Variants in STRN observed in about 807,000 individuals in gnomAD.
The protein encoded by STRN is striatin.
Under a neutral mutation model 96.3 loss-of-function variants are expected in STRN, and 53 were observed. The observed-to-expected ratio is 0.55, with a 90% CI of 0.44 to 0.69. The LOEUF is 0.69. Among genes scored for constraint, STRN ranks in the 30% least tolerant of loss-of-function variants. The pLI, the probability that STRN is intolerant of heterozygous loss-of-function variation, is 0.00. For synonymous variants in STRN, 428 were observed against 355.9 expected (o/e 1.20, Z -2.28); for missense variants, 987 against 963.9 (o/e 1.02, Z -0.32).
At chr2:36,944,066 G>A (rs1262774784) in intron 1 of STRN, among the ~76,000 whole-genome samples, 2 of 152,148 alleles carry the variant, frequency 1.3e-5, no homozygotes, top group Non-Finnish European at 2.9e-5. Context: ...GTTTCAGTGA[G>A]CCAAGATCTC....
At chr2:36,879,726 G>C (rs886789294) in intron 9 of STRN, among the ~76,000 whole-genome samples, 1 of 152,132 alleles carries the variant, frequency 6.6e-6, no homozygotes, top group African/African-American at 2.4e-5. Context: ...TGCTAAAGGG[G>C]TAAATTAATT....
At chr2:36,874,717 T>TAAAAAAAAAA (rs35268065) in intron 10 of STRN, among the ~76,000 whole-genome samples, 3 of 86,298 alleles carry the variant, frequency 3.5e-5, no homozygotes, top group East Asian at 3.8e-4. Context: ...TGTTTAGAGT[T>TAAAAAAAAAA]AAAAAAAAAA....
rs1251710325 is a variant in STRN at position 36,839,397 on chromosome 2, T to C, written c.*10059A>G. 7.9e-5 allele frequency among the ~76,000 whole-genome samples: 12 copies of C among 152,174 alleles called. No homozygotes were observed. Among genetic ancestry groups the C allele is most frequent in the Admixed American group, 7.2e-4 (11 of 15,280 alleles). On this transcript the variant is annotated 3_prime_UTR_variant, in exon 18 of 18. Coordinates refer to ENST00000263918, the MANE Select transcript of STRN (RefSeq NM_003162.4). ...GGCACTCAAATATTAAGGAAAGTAGTCTTCTGCTACTCTTGATGTTCATTT... is the reference window on the plus strand; with the variant it reads ...GGCACTCAAATATTAAGGAAAGTAGCCTTCTGCTACTCTTGATGTTCATTT...
At chr2:36,880,252 GC>G (rs1326845661) in intron 9 of STRN, among the ~76,000 whole-genome samples, 1 of 152,202 alleles carries the variant, frequency 6.6e-6, no homozygotes, top group East Asian at 1.9e-4. Context: ...ACAGGCGTGA[GC>G]CATCATGCCC....
In STRN at chr2:36,954,516, A is replaced by AG. The variant is rs199876571; in HGVS notation, c.234+11713dup. Among the ~76,000 whole-genome samples, 390 of 147,378 alleles carry AG rather than the reference A, an allele frequency of 2.6e-3. 1 individual carries two copies. The highest frequency in any genetic ancestry group is 8.9e-3 in the African/African-American group (358 of 40,004). On this transcript the variant is annotated intron_variant, in intron 1 of 17. Coordinates refer to ENST00000263918, the MANE Select transcript of STRN (RefSeq NM_003162.4). The stretch of plus-strand genomic sequence containing the variant: ...GACAGAGTAAAGCCCTGTCTCAAAC[A>AG]GGGGAAAAAAAAAAAAAAAAAGAGC...
chr2:36,841,848 C>G lies in STRN; in HGVS notation c.*7608G>C, dbSNP rs1667960034. 6.6e-6 allele frequency: 1 copy of G among 152,172 alleles called. No homozygotes were observed. The highest frequency in any genetic ancestry group is 2.4e-5 in the African/African-American group (1 of 41,438). The allele number at this position is 152,172 out of a possible 1,614,324, so 9.4% of individuals were successfully genotyped here. On this transcript the variant is annotated 3_prime_UTR_variant, in exon 18 of 18. Transcript: ENST00000263918. ...GACCAATGACAAGCCAGAATTGGAACCATTCATTCTTTGAGGTCAGAAGTG... is the reference window on the plus strand; with the variant it reads ...GACCAATGACAAGCCAGAATTGGAAGCATTCATTCTTTGAGGTCAGAAGTG...
At chr2:36,880,371 T>C (rs1389748813) in intron 9 of STRN, among the ~76,000 whole-genome samples, 1 of 152,154 alleles carries the variant, frequency 6.6e-6, no homozygotes, top group Non-Finnish European at 1.5e-5. Flanking sequence ...GCCCAGGAGT[T>C]TGAGGCTACA....
chr2:36,962,744 C>T (rs1057146299), intron 1 of STRN, among the ~76,000 whole-genome samples: 2 of 152,120 alleles, frequency 1.3e-5, no homozygotes, highest in African/African-American at 2.4e-5. Flanking sequence ...CTTGACCTCA[C>T]GATCCGCCTG....
At chr2:36,964,328 A>G (rs1321456238) in intron 1 of STRN, among the ~76,000 whole-genome samples, 1 of 151,218 alleles carries the variant, frequency 6.6e-6, no homozygotes, top group South Asian at 2.1e-4. Flanking sequence ...AAACTGGAAA[A>G]GAAATTAAAT....
chr2:36,867,038 C>A (rs1668646375), intron 12 of STRN, among the ~76,000 whole-genome samples: 1 of 152,168 alleles, frequency 6.6e-6, no homozygotes, highest in Non-Finnish European at 1.5e-5. Flanking sequence ...AAGGTTAACA[C>A]TGATATGTGC....
rs1370898735 is a variant in STRN, at chr2:36,848,758, T to C, written c.*698A>G. 1 of 152,462 alleles carries C rather than the reference T, an allele frequency of 6.6e-6. No individual in the cohort carries two copies. The highest frequency in any genetic ancestry group is 1.5e-5 in the Non-Finnish European group (1 of 68,034). The allele number at this position is 152,462 out of a possible 1,614,324, so 9.4% of individuals were successfully genotyped here. A position where few individuals can be genotyped will look rare whatever the true frequency, so the allele number is the denominator to read the frequency against. On this transcript the variant is annotated 3_prime_UTR_variant, in exon 18 of 18. Transcript: ENST00000263918. ...TGGTGAGTGCTTGATAGCTAAACTT[T>C]AGAATGATACCAAATCTGTTTTCAA...
intron 10 of STRN, among the ~76,000 whole-genome samples, chr2:36,874,730 A>AAAC (rs533599012): frequency 0.041 from 6,094 of 149,558 alleles, 202 homozygotes; most frequent in East Asian, 0.12. Context: ...AAAAAAAAAA[A>AAAC]AAAAAAAAAA....
chr2:36,906,069 C>T (rs757620527), intron 3 of STRN, among the ~76,000 whole-genome samples: 9 of 152,146 alleles, frequency 5.9e-5, no homozygotes, highest in Non-Finnish European at 1.2e-4. Context: ...ATGGATACCC[C>T]ATTTTCCATG....
At chr2:36,924,383 G>C (rs1362175387) in intron 2 of STRN, among the ~76,000 whole-genome samples, 1 of 144,720 alleles carries the variant, frequency 6.9e-6, no homozygotes, top group East Asian at 2.0e-4. Flanking sequence ...AGTCTATATA[G>C]AATCTTAACA....
Position 36,851,115 on chromosome 2 carries a change from GAA to G in STRN, c.1979-10_1979-9del. ...GGCAGGAAGAGTTGGCTGCTAAAAA[GAA>G]AAAATTAAAAAGCAACACAACTTAG... On this transcript the variant is annotated splice_polypyrimidine_tract_variant and intron_variant, in intron 15 of 17. Coordinates refer to ENST00000263918, the MANE Select transcript of STRN (RefSeq NM_003162.4). 1 of 1,602,686 alleles carries G rather than the reference GAA, an allele frequency of 6.2e-7. No individual in the cohort carries two copies.
intron 1 of STRN, among the ~76,000 whole-genome samples, chr2:36,948,081 C>CTTTTTTTTTTTTTTTTTTTTTTTTTTTT (rs553351693): frequency 4.4e-5 from 3 of 68,138 alleles, no homozygotes; most frequent in African/African-American, 1.9e-4. Context: ...TCAGTGCACT[C>CTTTTTTTTTTTTTTTTTTTTTTTTTTTT]TTTTTTTTTT....
chr2:36,889,728 A>G (rs1292891049), intron 7 of STRN, among the ~76,000 whole-genome samples: 1 of 152,124 alleles, frequency 6.6e-6, no homozygotes, highest in African/African-American at 2.4e-5. Flanking sequence ...TTAATTTGTT[A>G]AAAGTGAACC....
chr2:36,934,022 T>G (rs1452199082), intron 1 of STRN, among the ~76,000 whole-genome samples: 1 of 152,006 alleles, frequency 6.6e-6, no homozygotes, highest in African/African-American at 2.4e-5. Context: ...TGAGGAAGAA[T>G]GGCGTGAACC....
At chr2:36,877,729 T>C (rs1668951532) in intron 10 of STRN, among the ~76,000 whole-genome samples, 162 bp downstream of exon 10, 1 of 152,182 alleles carries the variant, frequency 6.6e-6, no homozygotes, top group Non-Finnish European at 1.5e-5. Flanking sequence ...TGAGACAGCG[T>C]TTCTCAATGT....
Sources: allele counts gnomAD v4.1 joint callset (sites outside exome capture counted in the v4.1 genomes callset), GRCh38; gene constraint gnomAD v4.1.1; transcripts MANE v1.5; gene names NCBI Gene and HGNC (gene_info 2026-07-23, HGNC 2026-07-21).